Variants in NRF1 observed in about 807,000 individuals in gnomAD.
NRF1 encodes the protein nuclear respiratory factor 1, also known as alpha palindromic-binding protein.
Under a neutral mutation model 58.5 loss-of-function variants are expected in NRF1, and 5 were observed. The ratio of observed to expected loss-of-function variants is 0.09; its 90% CI spans 0.04 to 0.18. NRF1 has a LOEUF of 0.18. Among genes scored for constraint, NRF1 ranks in the 10% least tolerant of loss-of-function variants. The pLI is 1.00. For missense variants in NRF1, 288 were observed against 657.7 expected (o/e 0.44, Z 6.15); for synonymous variants, 224 against 246.7 (o/e 0.91, Z 0.86).
At position 129,651,524 on chromosome 7, in the gene NRF1, C is replaced by T. The variant is rs146044869; in HGVS notation, c.-6-5822C>T. 9.1e-3 allele frequency among the ~76,000 whole-genome samples: 1,382 copies of T among 152,098 alleles called. 7 individuals are homozygous for T. The highest frequency in any genetic ancestry group is 0.013 in the Non-Finnish European group (909 of 67,998). On this transcript the variant is annotated intron_variant, in intron 1 of 10. Coordinates refer to ENST00000393232, the MANE Select transcript of NRF1 (RefSeq NM_005011.5). ...AATGGCAAGCCTGTGAAGCAGACAG[C>T]CCTATTGATTCATGCTGTGAACTGC... is the stretch of plus-strand genomic sequence containing the variant.
intron 2 of NRF1, among the ~76,000 whole-genome samples, chr7:129,662,005 C>T (rs1801793497): frequency 1.3e-5 from 2 of 150,706 alleles, no homozygotes; most frequent in Admixed American, 6.6e-5. Flanking sequence ...ACATGGATAA[C>T]AGCAGTCAAA....
chr7:129,635,894 A>G (rs566428836), intron 1 of NRF1, among the ~76,000 whole-genome samples: 1 of 152,264 alleles, frequency 6.6e-6, no homozygotes. Flanking sequence ...GACTTAATCT[A>G]ATTCCTCTTC....
chr7:129,695,784 A>T (rs1386584724), intron 5 of NRF1, among the ~76,000 whole-genome samples: 1 of 151,320 alleles, frequency 6.6e-6, no homozygotes, highest in African/African-American at 2.4e-5. Flanking sequence ...GGAGGGATGT[A>T]CATTAAAATA....
chr7:129,660,585 C>T (rs1801757495), intron 2 of NRF1, among the ~76,000 whole-genome samples: 1 of 150,910 alleles, frequency 6.6e-6, no homozygotes, highest in African/African-American at 2.5e-5. Context: ...GCAGGGCCGT[C>T]AAATCTTAAA....
chr7:129,698,140 A>G (rs966393360), intron 5 of NRF1, among the ~76,000 whole-genome samples: 1 of 152,150 alleles, frequency 6.6e-6, no homozygotes, highest in Admixed American at 6.5e-5. Flanking sequence ...TGAGAACTAA[A>G]TGCTCTGTTC....
At chr7:129,734,269 CAT>C (rs1196560015) in intron 10 of NRF1, among the ~76,000 whole-genome samples, 2 of 152,174 alleles carry the variant, frequency 1.3e-5, no homozygotes, top group African/African-American at 4.8e-5. Context: ...TGATTTAACA[CAT>C]AGGGAAGCTG....
chr7:129,710,125 T>G (rs1294983180), intron 6 of NRF1, among the ~76,000 whole-genome samples: 1 of 152,182 alleles, frequency 6.6e-6, no homozygotes, highest in Non-Finnish European at 1.5e-5. Flanking sequence ...GTTTAAGAGT[T>G]TGGCCTCAGG....
intron 4 of NRF1, among the ~76,000 whole-genome samples, chr7:129,678,785 A>G (rs141405609): frequency 8.9e-4 from 135 of 152,302 alleles, no homozygotes; most frequent in African/African-American, 3.0e-3. Context: ...AGTAAAGATG[A>G]TGCAATCTAT....
chr7:129,633,259 G>A (rs1323681593), intron 1 of NRF1, among the ~76,000 whole-genome samples: 3 of 152,052 alleles, frequency 2.0e-5, no homozygotes, highest in African/African-American at 7.2e-5. Context: ...CTTTTTAAAC[G>A]TTAAATACTG....
intron 1 of NRF1, among the ~76,000 whole-genome samples, chr7:129,651,405 G>A (rs929999597): frequency 4.6e-5 from 6 of 129,872 alleles, no homozygotes; most frequent in African/African-American, 1.8e-4. Context: ...GGGCAACAGA[G>A]TGAGACTCTG....
intron 9 of NRF1, among the ~76,000 whole-genome samples, chr7:129,721,636 C>A (rs1322745264): frequency 2.0e-5 from 3 of 151,984 alleles, no homozygotes; most frequent in African/African-American, 4.8e-5. Context: ...CGCCCACCAC[C>A]ACGCCCAGCT....
At chr7:129,706,688 C>T (rs1053098367) in intron 5 of NRF1, among the ~76,000 whole-genome samples, 1 of 152,050 alleles carries the variant, frequency 6.6e-6, no homozygotes, top group African/African-American at 2.4e-5. Flanking sequence ...TATTGGAACT[C>T]AGTTGGAAGG....
At chr7:129,703,834 C>A (rs911219195) in intron 5 of NRF1, among the ~76,000 whole-genome samples, 2 of 152,134 alleles carry the variant, frequency 1.3e-5, no homozygotes, top group Non-Finnish European at 2.9e-5. Context: ...AGGTTTCTGC[C>A]TGTGGAAGTA....
At chr7:129,696,847 T>C (rs1802710762) in intron 5 of NRF1, among the ~76,000 whole-genome samples, 2 of 152,220 alleles carry the variant, frequency 1.3e-5, no homozygotes, top group African/African-American at 2.4e-5. Flanking sequence ...AAGGTTAGCA[T>C]GATTTATTGG....
chr7:129,737,778 A>AGT (rs758304269), intron 10 of NRF1, among the ~76,000 whole-genome samples: 4 of 152,218 alleles, frequency 2.6e-5, no homozygotes, highest in Non-Finnish European at 5.9e-5. Context: ...AAATAGTCTT[A>AGT]GTGTAAGAGT....
intron 1 of NRF1, among the ~76,000 whole-genome samples, chr7:129,651,419 C>CAAAAA: frequency 7.5e-6 from 1 of 133,832 alleles, no homozygotes; most frequent in Non-Finnish European, 1.6e-5. Flanking sequence ...GACTCTGTCT[C>CAAAAA]AAAAAAAAAA....
At chr7:129,616,868 A>C (rs1163744005) in intron 1 of NRF1, among the ~76,000 whole-genome samples, 1 of 152,084 alleles carries the variant, frequency 6.6e-6, no homozygotes, top group Non-Finnish European at 1.5e-5. Context: ...TGGTGGGGAG[A>C]AGAGGGGTAA....
chr7:129,740,087 C>T (rs1803812267), intron 10 of NRF1, among the ~76,000 whole-genome samples: 2 of 152,152 alleles, frequency 1.3e-5, no homozygotes. Flanking sequence ...TCAAACGTGT[C>T]CTCCTCCTCT....
chr7:129,650,884 T>G (rs1445958781), intron 1 of NRF1, among the ~76,000 whole-genome samples: 1 of 152,236 alleles, frequency 6.6e-6, no homozygotes, highest in African/African-American at 2.4e-5. Flanking sequence ...ACTTTAGCTA[T>G]CCAGGGAATC....
Sources: allele counts gnomAD v4.1 joint callset (sites outside exome capture counted in the v4.1 genomes callset), GRCh38; gene constraint gnomAD v4.1.1; transcripts MANE v1.5; gene names NCBI Gene and HGNC (gene_info 2026-07-23, HGNC 2026-07-21).